The following DPP6 variants were observed in gnomAD, a reference collection of about 807,000 sequenced individuals.
DPP6 encodes the protein dipeptidyl peptidase like 6, also known as A-type potassium channel modulatory protein DPP6.
DPP6 carries 69 observed loss-of-function variants against 122.6 expected under a neutral mutation model. The observed-to-expected ratio is 0.56, with a 90% confidence interval of 0.46 to 0.69. The LOEUF (loss-of-function observed/expected upper bound fraction) is 0.69. Ranked by LOEUF, DPP6 falls within the 30% of genes least tolerant of loss-of-function variation. DPP6 has a pLI of 0.00. For synonymous variants in DPP6, 418 were observed against 433.1 expected (o/e 0.97, Z 0.43); for missense variants, 928 against 1,116.9 (o/e 0.83, Z 2.41).
chr7:154,745,866 C>T (rs1214402758), intron 8 of DPP6, among the ~76,000 whole-genome samples: 2 of 151,522 alleles, frequency 1.3e-5, no homozygotes, highest in African/African-American at 4.8e-5. Flanking sequence ...GACCCACACA[C>T]CTCCCACTAG....
the DPP6 span, among the ~76,000 whole-genome samples, chr7:153,853,104 G>C: frequency 6.6e-6 from 1 of 152,284 alleles, no homozygotes; most frequent in Admixed American, 6.5e-5. Flanking sequence ...GGCACAAAAG[G>C]AAAAGAGGAA....
chr7:154,024,936 T>C (rs397833644), intron 1 of DPP6, among the ~76,000 whole-genome samples: 1 of 151,988 alleles, frequency 6.6e-6, no homozygotes, highest in Non-Finnish European at 1.5e-5. Context: ...CAACCAGGAG[T>C]TCTTTATGGA....
At chr7:154,853,373 C>T (rs1049488792) in intron 16 of DPP6, among the ~76,000 whole-genome samples, 1 of 152,220 alleles carries the variant, frequency 6.6e-6, no homozygotes, top group African/African-American at 2.4e-5. Context: ...GAGTGACATC[C>T]TTCCTGGAGG....
intron 18 of DPP6, among the ~76,000 whole-genome samples, chr7:154,871,732 G>C (rs1804416521): frequency 6.6e-6 from 1 of 152,142 alleles, no homozygotes. Context: ...CGCCAGGTCA[G>C]AGCTGGCTGC....
At chr7:153,946,370 A>G (rs1444256618) in intron 1 of DPP6, among the ~76,000 whole-genome samples, 1 of 152,094 alleles carries the variant, frequency 6.6e-6, no homozygotes, top group Non-Finnish European at 1.5e-5. Flanking sequence ...TCCCCATCTT[A>G]GACCATATAG....
rs531295520 is a variant in DPP6, at chr7:154,487,403, C to T, written c.457+12366C>T. ...TAATAGAGCAGATGACAGGATACGC[C>T]GTGCAGCGTGCCTTGTGGCCAGCCT... On this transcript the variant is annotated intron_variant, in intron 3 of 25. Coordinates refer to ENST00000377770, the MANE Select transcript of DPP6 (RefSeq NM_130797.4). Among the ~76,000 whole-genome samples, 193 of 152,284 alleles carry T rather than the reference C, an allele frequency of 1.3e-3. 1 individual carries two copies. Among genetic ancestry groups the T allele is most frequent in the African/African-American group, 4.4e-3 (181 of 41,570 alleles).
the DPP6 span, among the ~76,000 whole-genome samples, chr7:153,837,361 C>T: frequency 3.3e-5 from 5 of 152,136 alleles, no homozygotes; most frequent in African/African-American, 9.7e-5. Context: ...AATCTAGCAT[C>T]GCTACAATTC....
intron 5 of DPP6, among the ~76,000 whole-genome samples, chr7:154,609,558 CTCTG>C (rs1160037280): frequency 2.0e-5 from 3 of 151,812 alleles, no homozygotes; most frequent in Non-Finnish European, 4.4e-5. Context: ...TTCTAGATCA[CTCTG>C]TCTCTCTCAT....
chr7:153,840,298 T>C, the DPP6 span, among the ~76,000 whole-genome samples: 1 of 152,182 alleles, frequency 6.6e-6, no homozygotes, highest in Non-Finnish European at 1.5e-5. Flanking sequence ...AGAATGGATA[T>C]GTAGAAAGGA....
chr7:153,918,446 A>ACACACACG (rs1800424304), intron 1 of DPP6, among the ~76,000 whole-genome samples: 1 of 134,326 alleles, frequency 7.4e-6, no homozygotes, highest in African/African-American at 2.7e-5. Flanking sequence ...ACACACACAC[A>ACACACACG]CACACACACA....
chr7:154,696,475 G>C lies in DPP6; in HGVS notation c.762+27034G>C, dbSNP rs116447624. The stretch of plus-strand genomic sequence containing the variant: ...CCCCTCATTTGGATGATAGGTTATA[G>C]GACCCTCCTAAGTTTGGTGACTTCT... On this transcript the variant is annotated intron_variant, in intron 7 of 25. Transcript: ENST00000377770. 7.8e-3 allele frequency among the ~76,000 whole-genome samples: 1,183 copies of C among 152,326 alleles called. 13 individuals carry two copies. The highest frequency in any genetic ancestry group is 0.027 in the African/African-American group (1,104 of 41,576).
intron 8 of DPP6, among the ~76,000 whole-genome samples, chr7:154,744,525 G>A (rs1842953197): frequency 6.6e-6 from 1 of 152,228 alleles, no homozygotes; most frequent in Non-Finnish European, 1.5e-5. Context: ...GATTCGCAGT[G>A]TGTGATATGC....
intron 7 of DPP6, among the ~76,000 whole-genome samples, chr7:154,711,179 A>C (rs906482989): frequency 6.6e-6 from 1 of 152,224 alleles, no homozygotes; most frequent in African/African-American, 2.4e-5. Context: ...TTTAATTGAT[A>C]TAGAGAGAGA....
At chr7:153,803,019 T>G in the DPP6 span, among the ~76,000 whole-genome samples, 1 of 150,912 alleles carries the variant, frequency 6.6e-6, no homozygotes, top group Admixed American at 6.6e-5. Context: ...GATTCACTGC[T>G]GCTGTGTTCC....
At chr7:154,062,299 C>CCT (rs533410434) in intron 1 of DPP6, among the ~76,000 whole-genome samples, 8 of 32,524 alleles carry the variant, frequency 2.5e-4, no homozygotes, top group East Asian at 1.5e-3. Flanking sequence ...TCTTCCCCCC[C>CCT]GGCTCTGAGG....
chr7:154,521,243 G>T (rs953642384), intron 3 of DPP6, among the ~76,000 whole-genome samples: 2 of 152,032 alleles, frequency 1.3e-5, no homozygotes. Context: ...ATTCTTTGCT[G>T]ATCTTTATTT....
intron 7 of DPP6, among the ~76,000 whole-genome samples, chr7:154,715,873 A>C (rs927486220): frequency 6.6e-6 from 1 of 152,182 alleles, no homozygotes; most frequent in South Asian, 2.1e-4. Flanking sequence ...GGCATCTCAC[A>C]GTCAACCTGC....
chr7:154,844,576 T>C (rs1801803715), intron 16 of DPP6, among the ~76,000 whole-genome samples: 1 of 152,212 alleles, frequency 6.6e-6, no homozygotes, highest in Non-Finnish European at 1.5e-5. Flanking sequence ...TTTGCCAGTT[T>C]TCAGGGGCCA....
At chr7:154,563,834 C>G (rs1334095542) in intron 4 of DPP6, among the ~76,000 whole-genome samples, 1 of 152,072 alleles carries the variant, frequency 6.6e-6, no homozygotes, top group African/African-American at 2.4e-5. Context: ...GCCTGAAGTT[C>G]AAGGTCAGGT....
Sources: allele counts gnomAD v4.1 joint callset (sites outside exome capture counted in the v4.1 genomes callset), GRCh38; gene constraint gnomAD v4.1.1; transcripts MANE v1.5; gene names NCBI Gene and HGNC (gene_info 2026-07-23, HGNC 2026-07-21).